Variants in ZSCAN21 observed in about 807,000 individuals in gnomAD.
ZSCAN21 encodes the protein zinc finger and SCAN domain containing 21.
ZSCAN21 carries 26 observed loss-of-function variants against 35.6 expected under a neutral mutation model. The observed-to-expected ratio is 0.73, with a 90% CI of 0.54 to 1.01. The LOEUF (loss-of-function observed/expected upper bound fraction) is 1.01. Among genes scored for constraint, ZSCAN21 ranks in the 50% least tolerant of loss-of-function variants. ZSCAN21 has a pLI of 0.00. For missense variants in ZSCAN21, 593 were observed against 587.1 expected (o/e 1.01, Z -0.10); for synonymous variants, 219 against 219.3 (o/e 1.00, Z 0.01).
At chr7:100,050,145 G>A (rs1791805746) in intron 1 of ZSCAN21, among the ~76,000 whole-genome samples, 1 of 152,160 alleles carries the variant, frequency 6.6e-6, no homozygotes, top group South Asian at 2.1e-4. Flanking sequence ...AAGCCAAGCC[G>A]TCTATCAGTC....
intron 3 of ZSCAN21, among the ~76,000 whole-genome samples, chr7:100,062,011 A>G (rs577318523): frequency 3.3e-5 from 5 of 152,366 alleles, no homozygotes; most frequent in Admixed American, 3.3e-4. Context: ...TAACTGAATT[A>G]CAAGATGTAG....
chr7:100,054,702 G>A (rs1380826144), intron 1 of ZSCAN21, among the ~76,000 whole-genome samples: 1 of 151,174 alleles, frequency 6.6e-6, no homozygotes, highest in African/African-American at 2.4e-5. Context: ...GGTGGAGCGT[G>A]GTGGTGCGTG....
At chr7:100,054,456 G>A (rs1357642057) in intron 1 of ZSCAN21, among the ~76,000 whole-genome samples, 1 of 151,808 alleles carries the variant, frequency 6.6e-6, no homozygotes, top group Non-Finnish European at 1.5e-5. Context: ...TGCCATGTTG[G>A]TCAGGTTGGT....
At chr7:100,056,781 G>C (rs1792089208) in intron 1 of ZSCAN21, 130 bp from the exon 2 acceptor site, 4 of 452,478 alleles carry the variant, frequency 8.8e-6, no homozygotes, top group Non-Finnish European at 1.6e-5. Flanking sequence ...GAAAGATTTT[G>C]AGCAGTTGTT....
chr7:100,059,361 T>C (rs1224634952), intron 3 of ZSCAN21, among the ~76,000 whole-genome samples: 1 of 152,170 alleles, frequency 6.6e-6, no homozygotes, highest in Non-Finnish European at 1.5e-5. Flanking sequence ...CGGAGACCTA[T>C]CTGGTCAGTT....
At chr7:100,050,880 C>G (rs1247752731) in intron 1 of ZSCAN21, among the ~76,000 whole-genome samples, 2 of 151,298 alleles carry the variant, frequency 1.3e-5, no homozygotes, top group African/African-American at 4.9e-5. Flanking sequence ...TGAAATGATG[C>G]GGAATTTGAT....
chr7:100,053,545 A>AGTTT (rs1554357976), intron 1 of ZSCAN21, among the ~76,000 whole-genome samples: 11 of 130,416 alleles, frequency 8.4e-5, no homozygotes, highest in African/African-American at 3.4e-4. Flanking sequence ...ATACATACAT[A>AGTTT]ATTTTTTTTT....
In ZSCAN21 at chr7:100,064,428, C is replaced by A. The variant is rs759065322; in HGVS notation, c.1233C>A (p.Thr411=). The part of the protein sequence containing the change: ...AGLSSHQRLH[T]GEKPYKCKEC... ...TCAGCTCCCACCAGAGACTCCACAC[C>A]GGAGAGAAGCCATATAAGTGTAAGG... The change falls in exon 4 of 4, where the codon ACC becomes ACA. Residue 411 remains threonine (T), a synonymous_variant. Coordinates refer to ENST00000292450, the MANE Select transcript of ZSCAN21 (RefSeq NM_145914.3). 1.9e-6 allele frequency: 3 copies of A among 1,613,906 alleles called. No homozygotes were observed. The highest frequency in any genetic ancestry group is 1.7e-6 in the Non-Finnish European group (2 of 1,179,988).
In ZSCAN21 at chr7:100,057,012, G is replaced by A; in HGVS notation, c.6G>A (p.Met2Ile). The part of the protein sequence containing the change: M[M>I]TKVLGMAPVL... ...AGGCTGTTTCTGGAGTTTACATGATGACCAAGGTACTAGGCATGGCCCCAG... is the reference window on the plus strand; with the variant it reads ...AGGCTGTTTCTGGAGTTTACATGATAACCAAGGTACTAGGCATGGCCCCAG... Residue 2 changes from methionine (M) to isoleucine (I), a missense_variant, in exon 2 of 4, where the codon ATG (methionine) becomes ATA (isoleucine). Physicochemically the swap from Met to Ile is conservative, Grantham distance 10. Transcript: ENST00000292450. The A allele has an allele frequency of 6.3e-7, 1 of 1,593,966 alleles. No homozygotes were observed. Among genetic ancestry groups the A allele is most frequent in the South Asian group, 1.1e-5 (1 of 89,414 alleles).
At chr7:100,062,735 C>T (rs765158895) in intron 3 of ZSCAN21, among the ~76,000 whole-genome samples, 4 of 151,240 alleles carry the variant, frequency 2.6e-5, no homozygotes, top group Non-Finnish European at 5.9e-5. Context: ...ATTAGCTGGG[C>T]GTGGTGCCAG....
In ZSCAN21 at chr7:100,051,178, C is replaced by CAAAAAAAAAAAAAAAAAA. The variant is rs369246193; in HGVS notation, c.-97+1345_-97+1362dup. Among the ~76,000 whole-genome samples, 133 of 41,364 alleles carry CAAAAAAAAAAAAAAAAAA rather than the reference C, an allele frequency of 3.2e-3. 8 individuals carry two copies. Among genetic ancestry groups the CAAAAAAAAAAAAAAAAAA allele is most frequent in the Non-Finnish European group, 4.1e-3 (94 of 23,130 alleles). The allele number at this position is 41,364 out of a possible 152,430, so 27.1% of individuals were successfully genotyped here. A position where few individuals can be genotyped will look rare whatever the true frequency, so the allele number is the denominator to read the frequency against. On this transcript the variant is annotated intron_variant, in intron 1 of 3. Transcript: ENST00000292450. ...GGGAAACAAGAGTGAAACTACGTCT[C>CAAAAAAAAAAAAAAAAAA]AAAAAAAAAAAAAAAAAAAAAAAAA...
chr7:100,053,667 A>T (rs1210078119), intron 1 of ZSCAN21, among the ~76,000 whole-genome samples: 1 of 149,604 alleles, frequency 6.7e-6, no homozygotes, highest in Non-Finnish European at 1.5e-5. Flanking sequence ...TCCCTGCCTC[A>T]GCCTCCCAAG....
At chr7:100,056,034 G>C (rs911080231) in intron 1 of ZSCAN21, among the ~76,000 whole-genome samples, 1 of 150,756 alleles carries the variant, frequency 6.6e-6, no homozygotes, top group Non-Finnish European at 1.5e-5. Context: ...TCCGTCTCCC[G>C]GGTTCACACC....
In ZSCAN21 at chr7:100,050,266, A is replaced by C. The variant is rs1310587919; in HGVS notation, c.-97+425A>C. 1.3e-5 allele frequency among the ~76,000 whole-genome samples: 2 copies of C among 152,180 alleles called. 1 individual carries two copies. The highest frequency in any genetic ancestry group is 4.1e-4 in the South Asian group (2 of 4,834). ...AACCTGTGGGAAGCCGAACCTCATT[A>C]GAAGTGTTGGGTAGAATCAAATCCA... On this transcript the variant is annotated intron_variant, in intron 1 of 3. Coordinates refer to ENST00000292450, the MANE Select transcript of ZSCAN21 (RefSeq NM_145914.3).
In ZSCAN21 at chr7:100,057,406, G is replaced by A. The variant is rs768804941; in HGVS notation, c.399+1G>A. On this transcript the variant is annotated splice_donor_variant, in intron 2 of 3. Transcript: ENST00000292450. LOFTEE classifies it high-confidence loss of function. ...GGAACTGGATGAGCCAGGACACCAGGTAGGCAGGAGAGACCTTTGTTATTC... is the reference window on the plus strand; with the variant it reads ...GGAACTGGATGAGCCAGGACACCAGATAGGCAGGAGAGACCTTTGTTATTC... 2 of 1,534,374 alleles carry A rather than the reference G, an allele frequency of 1.3e-6. No individual in the cohort carries two copies. The highest frequency in any genetic ancestry group is 1.7e-6 in the Non-Finnish European group (2 of 1,144,536).
At chr7:100,052,927 A>G (rs1163470994) in intron 1 of ZSCAN21, among the ~76,000 whole-genome samples, 3 of 151,956 alleles carry the variant, frequency 2.0e-5, no homozygotes, top group African/African-American at 7.2e-5. Context: ...TCAGGAGTTC[A>G]AGACCAGCCT....
chr7:100,055,522 G>A (rs982111581), intron 1 of ZSCAN21, among the ~76,000 whole-genome samples: 2 of 152,136 alleles, frequency 1.3e-5, no homozygotes, highest in African/African-American at 4.8e-5. Context: ...AGAGTGCTGG[G>A]ATTACAGGCA....
rs1792515979 is a variant in ZSCAN21, at chr7:100,064,311, A to G, written c.1116A>G (p.Lys372=). ...CKDCGKAFSG[K]GSLIRHYRIH... ...ATTGTGGCAAGGCTTTCAGCGGGAAAGGCAGCCTCATTCGTCACTATCGGA... is the reference window on the plus strand; with the variant it reads ...ATTGTGGCAAGGCTTTCAGCGGGAAGGGCAGCCTCATTCGTCACTATCGGA... The change falls in exon 4 of 4, where the codon AAA becomes AAG. Residue 372 remains lysine, a synonymous_variant. Coordinates refer to ENST00000292450, the MANE Select transcript of ZSCAN21 (RefSeq NM_145914.3). 4 of 1,613,746 alleles carry G rather than the reference A, an allele frequency of 2.5e-6. No homozygotes were observed. The highest frequency in any genetic ancestry group is 2.5e-6 in the Non-Finnish European group (3 of 1,179,966).
Position 100,064,142 on chromosome 7 carries a change from A to G in ZSCAN21, c.947A>G (p.His316Arg), listed in dbSNP as rs1792502772. 1.2e-6 allele frequency: 2 copies of G among 1,614,204 alleles called. No individual in the cohort carries two copies. The highest frequency in any genetic ancestry group is 1.7e-6 in the Non-Finnish European group (2 of 1,180,044). Residue 316 changes from histidine to arginine, a missense_variant, in exon 4 of 4, where the codon CAC becomes CGC. Physicochemically the swap from His to Arg is conservative, Grantham distance 29. Coordinates refer to ENST00000292450, the MANE Select transcript of ZSCAN21 (RefSeq NM_145914.3). ...VCTKCGKAFS[H>R]SSNLTLHYRT... ...ACCAAGTGTGGGAAAGCTTTCAGCC[A>G]CAGCTCAAACCTCACCCTCCACTAC... is the stretch of plus-strand genomic sequence containing the variant.
Sources: allele counts gnomAD v4.1 joint callset (sites outside exome capture counted in the v4.1 genomes callset), GRCh38; gene constraint gnomAD v4.1.1; transcripts MANE v1.5; gene names NCBI Gene and HGNC (gene_info 2026-07-23, HGNC 2026-07-21).